Variants in RSPO2 observed in about 807,000 individuals in gnomAD.
RSPO2 encodes R-spondin-2.
A neutral mutation model predicts 30.9 loss-of-function variants in RSPO2; 14 were observed. The observed-to-expected ratio is 0.45, with a 90% CI of 0.30 to 0.71. The LOEUF is 0.71. RSPO2 is among the 30% of genes least tolerant of loss of function. The pLI, the probability that RSPO2 is intolerant of heterozygous loss-of-function variation, is 0.08. For synonymous variants in RSPO2, 107 were observed against 96.4 expected (o/e 1.11, Z -0.64); for missense variants, 264 against 301.9 (o/e 0.87, Z 0.93).
chr8:108,018,902 A>G (rs1298523803), intron 2 of RSPO2, among the ~76,000 whole-genome samples: 1 of 152,230 alleles, frequency 6.6e-6, no homozygotes, highest in Non-Finnish European at 1.5e-5. Flanking sequence ...TAAGAACTGC[A>G]TGTATGTTAT....
intron 2 of RSPO2, among the ~76,000 whole-genome samples, chr8:108,059,902 A>G (rs1250659316): frequency 1.3e-5 from 2 of 150,176 alleles, no homozygotes; most frequent in Non-Finnish European, 3.0e-5. Flanking sequence ...ACCTAATGCT[A>G]AATGACAAGT....
intron 5 of RSPO2, among the ~76,000 whole-genome samples, chr8:107,935,055 A>G (rs543247420): frequency 1.3e-5 from 2 of 152,298 alleles, no homozygotes; most frequent in South Asian, 4.1e-4. Context: ...TTTTCAGGGA[A>G]CAAGGGAGAT....
At chr8:107,929,556 A>G (rs1812487791) in intron 5 of RSPO2, among the ~76,000 whole-genome samples, 1 of 152,180 alleles carries the variant, frequency 6.6e-6, no homozygotes, top group Non-Finnish European at 1.5e-5. Flanking sequence ...GGGAGGACAG[A>G]GAACTTTTTC....
intron 3 of RSPO2, among the ~76,000 whole-genome samples, chr8:107,987,504 A>ACTG (rs1227756932): frequency 5.8e-4 from 88 of 152,240 alleles, no homozygotes; most frequent in African/African-American, 2.1e-3. Context: ...CAGCTACTGT[A>ACTG]CTGCTCTTCC....
intron 5 of RSPO2, among the ~76,000 whole-genome samples, chr8:107,948,492 G>T (rs763529901): frequency 6.6e-6 from 1 of 152,170 alleles, no homozygotes; most frequent in African/African-American, 2.4e-5. Flanking sequence ...TCAAAGGCCA[G>T]CCTTGGAGAG....
intron 2 of RSPO2, among the ~76,000 whole-genome samples, chr8:108,023,258 C>A: frequency 6.6e-6 from 1 of 152,134 alleles, no homozygotes; most frequent in Admixed American, 6.5e-5. Context: ...TCACTTTAAG[C>A]AAATTCAGGA....
At chr8:107,972,151 CTT>C (rs559178839) in intron 3 of RSPO2, among the ~76,000 whole-genome samples, 2 of 146,198 alleles carry the variant, frequency 1.4e-5, no homozygotes. Context: ...TAAACACAGT[CTT>C]TTTTTTTTTT....
At chr8:108,059,874 GAT>G (rs1189290404) in intron 2 of RSPO2, among the ~76,000 whole-genome samples, 28 of 104,354 alleles carry the variant, frequency 2.7e-4, no homozygotes, top group African/African-American at 9.0e-4. Flanking sequence ...AGGGGGGAGG[GAT>G]AGCTTTAGGA....
chr8:108,048,770 A>G (rs1480466747), intron 2 of RSPO2, among the ~76,000 whole-genome samples: 1 of 152,064 alleles, frequency 6.6e-6, no homozygotes, highest in Non-Finnish European at 1.5e-5. Flanking sequence ...TAGGGTGTCA[A>G]TTTTAGATCT....
rs1453109470 is a variant in RSPO2 at position 108,076,397 on chromosome 8, T to C, written c.94+6148A>G. Among the ~76,000 whole-genome samples the C allele has an allele frequency of 2.0e-5, 3 of 152,118 alleles. No homozygotes were observed. In the East Asian group the frequency reaches 5.8e-4, roughly 29 times the overall value. On this transcript the variant is annotated intron_variant, in intron 2 of 5. Coordinates refer to ENST00000276659, the MANE Select transcript of RSPO2 (RefSeq NM_178565.5). ...GGAGAAAAATGGAATGTGGCAGCAC[T>C]GTAAGGGATGGAGCATCATAAGTGG... is the stretch of plus-strand genomic sequence containing the variant.
intron 5 of RSPO2, among the ~76,000 whole-genome samples, chr8:107,931,747 A>G (rs1812559794): frequency 1.3e-5 from 2 of 152,160 alleles, no homozygotes; most frequent in Non-Finnish European, 2.9e-5. Flanking sequence ...AAACTTCCAT[A>G]TAGCCAGATA....
intron 5 of RSPO2, 56 bp from the exon 6 acceptor site, chr8:107,901,246 G>T: frequency 6.5e-7 from 1 of 1,535,702 alleles, no homozygotes. Context: ...CTCTAGGAAA[G>T]AAAACACAAA....
intron 5 of RSPO2, among the ~76,000 whole-genome samples, chr8:107,942,049 G>GT (rs775430022): frequency 6.6e-6 from 1 of 152,132 alleles, no homozygotes; most frequent in Non-Finnish European, 1.5e-5. Context: ...AGATTCGATA[G>GT]TAACTTAAGA....
At chr8:108,064,473 A>G (rs1334663564) in intron 2 of RSPO2, among the ~76,000 whole-genome samples, 3 of 152,222 alleles carry the variant, frequency 2.0e-5, no homozygotes, top group Non-Finnish European at 2.9e-5. Context: ...CCACAATGAG[A>G]TACCATCTCA....
At chr8:108,028,137 C>A (rs1206782644) in intron 2 of RSPO2, among the ~76,000 whole-genome samples, 1 of 152,158 alleles carries the variant, frequency 6.6e-6, no homozygotes, top group African/African-American at 2.4e-5. Flanking sequence ...ACTACTGATA[C>A]CCAGAGTCTT....
At chr8:107,983,812 A>T (rs527350799) in intron 3 of RSPO2, 1 of 1,605,074 alleles carries the variant, frequency 6.2e-7, no homozygotes, top group East Asian at 2.2e-5. Context: ...TTGCCACCAC[A>T]TTCAGAAACT....
chr8:107,918,433 A>G (rs1338472400), intron 5 of RSPO2, among the ~76,000 whole-genome samples: 3 of 152,328 alleles, frequency 2.0e-5, no homozygotes, highest in East Asian at 1.9e-4. Flanking sequence ...CCTTCTTTAA[A>G]GAATCAAAGT....
intron 2 of RSPO2, among the ~76,000 whole-genome samples, chr8:108,076,607 C>T (rs912335878): frequency 2.0e-5 from 3 of 152,104 alleles, no homozygotes; most frequent in Non-Finnish European, 2.9e-5. Flanking sequence ...GCACCCAGAA[C>T]TCCATGGATA....
At chr8:108,056,760 A>G (rs902039254) in intron 2 of RSPO2, among the ~76,000 whole-genome samples, 1 of 151,620 alleles carries the variant, frequency 6.6e-6, no homozygotes, top group Non-Finnish European at 1.5e-5. Flanking sequence ...GATTCCTAAG[A>G]TAAAAAAGAT....
Sources: allele counts gnomAD v4.1 joint callset (sites outside exome capture counted in the v4.1 genomes callset), GRCh38; gene constraint gnomAD v4.1.1; transcripts MANE v1.5; gene names NCBI Gene and HGNC (gene_info 2026-07-23, HGNC 2026-07-21).